CELA1: variants seen among roughly 807,000 people sequenced by gnomAD.
CELA1 encodes the protein chymotrypsin like elastase 1.
In CELA1, 28 loss-of-function variants were observed where a neutral mutation model predicts 34.8. The observed-to-expected ratio is 0.80, with a 90% CI of 0.60 to 1.10. The LOEUF (loss-of-function observed/expected upper bound fraction) is 1.10. Among genes scored for constraint, CELA1 ranks in the 50% least tolerant of loss-of-function variants. The pLI is 0.00. For missense variants in CELA1, 288 were observed against 327.5 expected (o/e 0.88, Z 0.93); for synonymous variants, 140 against 129.8 (o/e 1.08, Z -0.53).
At chr12:51,337,695 A>T (rs1211758911) in intron 6 of CELA1, among the ~76,000 whole-genome samples, 1 of 151,628 alleles carries the variant, frequency 6.6e-6, no homozygotes, top group Admixed American at 6.6e-5. Context: ...CCTTACCATT[A>T]ATAAATGTAA....
chr12:51,330,753 G>A (rs988803281), intron 6 of CELA1, among the ~76,000 whole-genome samples: 16 of 146,674 alleles, frequency 1.1e-4, no homozygotes, highest in South Asian at 2.2e-4. Context: ...GGCGGATCAC[G>A]AGGTCAGGAG....
At chr12:51,333,475 T>C (rs1227414107) in intron 6 of CELA1, among the ~76,000 whole-genome samples, 1 of 150,786 alleles carries the variant, frequency 6.6e-6, no homozygotes, top group East Asian at 1.9e-4. Flanking sequence ...CTCACCACAG[T>C]CCCAATCTCC....
At chr12:51,338,082 T>C (rs1389657839) in intron 6 of CELA1, among the ~76,000 whole-genome samples, 2 of 148,136 alleles carry the variant, frequency 1.4e-5, no homozygotes, top group African/African-American at 5.0e-5. Context: ...CTACTAAAAA[T>C]ACAAAAATTA....
chr12:51,339,751 A>C, intron 6 of CELA1, 109 bp downstream of exon 6: 1 of 1,030,472 alleles, frequency 9.7e-7, no homozygotes. Flanking sequence ...TAGAAAATTG[A>C]GTCTGTGTAG....
chr12:51,343,989 G>A lies in CELA1; in HGVS notation c.100-136C>T, dbSNP rs763217118. 137 of 630,224 alleles carry A rather than the reference G, an allele frequency of 2.2e-4. 1 individual carries two copies. The highest frequency in any genetic ancestry group is 8.4e-4 in the Middle Eastern group (2 of 2,370). The allele number at this position is 630,224 out of a possible 1,614,324, so 39.0% of individuals were successfully genotyped here. A position where few individuals can be genotyped will look rare whatever the true frequency, so the allele number is the denominator to read the frequency against. On this transcript the variant is annotated intron_variant, in intron 2 of 7. Coordinates refer to ENST00000293636, the MANE Select transcript of CELA1 (RefSeq NM_001971.6). Reference sequence around the variant, plus strand: ...GCAGGAGGATCAGTTGAGCCTAGGAGCTGGAGACCAGCCTGGGCAACATAG... The same window carrying A: ...GCAGGAGGATCAGTTGAGCCTAGGAACTGGAGACCAGCCTGGGCAACATAG...
intron 7 of CELA1, 114 bp from the exon 8 acceptor site, chr12:51,328,708 G>T: frequency 8.4e-7 from 1 of 1,187,446 alleles, no homozygotes; most frequent in South Asian, 1.2e-5. Context: ...GAAGTTGACA[G>T]GGTGTGGGGA....
intron 6 of CELA1, among the ~76,000 whole-genome samples, 162 bp downstream of exon 6, chr12:51,339,698 G>A (rs942034866): frequency 6.6e-6 from 1 of 152,214 alleles, no homozygotes; most frequent in Non-Finnish European, 1.5e-5. Context: ...TTCTGCATGT[G>A]TAGAATTACC....
In CELA1 at chr12:51,342,558, C is replaced by T; in HGVS notation, c.326+17G>A. 3.7e-6 allele frequency: 6 copies of T among 1,614,046 alleles called. No homozygotes were observed. Among genetic ancestry groups the T allele is most frequent in the South Asian group, 1.1e-5 (1 of 91,082 alleles). ...GCCTCACCGCCCAGCCCAGGGCCAGCTTGGACTTGCTCCTACCCGGCAGCC... is the reference window on the plus strand; with the variant it reads ...GCCTCACCGCCCAGCCCAGGGCCAGTTTGGACTTGCTCCTACCCGGCAGCC... On this transcript the variant is annotated intron_variant, in intron 4 of 7. Transcript: ENST00000293636.
At position 51,328,485 on chromosome 12, in the gene CELA1, T is replaced by C; in HGVS notation, c.*92A>G. 7.7e-7 allele frequency: 1 copy of C among 1,295,398 alleles called. No homozygotes were observed. Among genetic ancestry groups the C allele is most frequent in the Non-Finnish European group, 1.1e-6 (1 of 891,522 alleles). The allele number at this position is 1,295,398 out of a possible 1,614,324, so 80.2% of individuals were successfully genotyped here. A position where few individuals can be genotyped will look rare whatever the true frequency, so the allele number is the denominator to read the frequency against. ...ATTTGCTTTTCTATCAATGGCTCAA[T>C]AGTCTTTCAGAATGTGTTTTACTTT... On this transcript the variant is annotated 3_prime_UTR_variant, in exon 8 of 8. Coordinates refer to ENST00000293636, the MANE Select transcript of CELA1 (RefSeq NM_001971.6).
At chr12:51,340,438 G>A (rs1592298009) in intron 5 of CELA1, among the ~76,000 whole-genome samples, 1 of 142,686 alleles carries the variant, frequency 7.0e-6, no homozygotes, top group Non-Finnish European at 1.5e-5. Flanking sequence ...TGCCCAGGCT[G>A]GAGTGCAATG....
intron 7 of CELA1, among the ~76,000 whole-genome samples, chr12:51,328,900 A>G (rs1403704200): frequency 6.6e-6 from 1 of 152,200 alleles, no homozygotes; most frequent in East Asian, 1.9e-4. Context: ...CCTTTCCACC[A>G]GGTCAGTGTA....
At chr12:51,345,400 G>T (rs1437975069) in intron 2 of CELA1, among the ~76,000 whole-genome samples, 6 of 152,246 alleles carry the variant, frequency 3.9e-5, no homozygotes, top group Non-Finnish European at 8.8e-5. Flanking sequence ...GTACGTGTGT[G>T]TGTGTGTGTG....
At chr12:51,345,609 C>A (rs2137485323) in intron 2 of CELA1, among the ~76,000 whole-genome samples, 186 bp downstream of exon 2, 1 of 152,258 alleles carries the variant, frequency 6.6e-6, no homozygotes, top group Admixed American at 6.5e-5. Context: ...TGTATAAATC[C>A]CCTCCTCCAA....
chr12:51,342,676 A>G lies in CELA1; in HGVS notation c.225T>C (p.Ala75=), dbSNP rs1200664969. The G allele has an allele frequency of 1.2e-6, 2 of 1,614,226 alleles. No homozygotes were observed. Among genetic ancestry groups the G allele is most frequent in the Admixed American group, 1.7e-5 (1 of 60,032 alleles). Residue 75 remains alanine (A), a synonymous_variant, in exon 4 of 8, where the codon GCT becomes GCC. Coordinates refer to ENST00000293636, the MANE Select transcript of CELA1 (RefSeq NM_001971.6). The part of the protein sequence containing the change: ...VDYQKTFRVV[A]GDHNLSQNDG... ...CATTCTGGCTCAGGTTATGGTCTCC[A>G]GCCACCACGCGGAAAGTCTTCTGGC...
chr12:51,335,941 A>G (rs1028618013), intron 6 of CELA1, among the ~76,000 whole-genome samples: 3 of 151,996 alleles, frequency 2.0e-5, no homozygotes, highest in African/African-American at 7.3e-5. Context: ...CCGGCTGGTT[A>G]TATGTCTTAT....
Position 51,342,834 on chromosome 12 carries a change from G to A in CELA1, c.201-134C>T, listed in dbSNP as rs1048227215. ...GAAATTTTTTTTTTTTTTTAGAGAT[G>A]GGGTTTTGCTGTGTTGCCCAGGCTG... On this transcript the variant is annotated intron_variant, in intron 3 of 7. Coordinates refer to ENST00000293636, the MANE Select transcript of CELA1 (RefSeq NM_001971.6). 63 of 969,688 alleles carry A rather than the reference G, an allele frequency of 6.5e-5. No homozygotes were observed. The African/African-American group carries it at 9.8e-4, about 15-fold the overall frequency. 60.1% of individuals were successfully genotyped at this position (969,688 alleles called of 1,614,324 possible).
chr12:51,338,008 G>A (rs937406430), intron 6 of CELA1, among the ~76,000 whole-genome samples: 3 of 151,264 alleles, frequency 2.0e-5, no homozygotes, highest in Non-Finnish European at 4.4e-5. Flanking sequence ...GGTGGATCAC[G>A]AGGTCAGGAG....
intron 7 of CELA1, 49 bp downstream of exon 7, chr12:51,329,635 G>GT (rs1565698940): frequency 1.3e-6 from 2 of 1,535,386 alleles, no homozygotes; most frequent in Admixed American, 4.1e-5. Context: ...CAGCCAGTGC[G>GT]TAGGTCTCCA....
Position 51,346,601 on chromosome 12 carries a change from CGACTGGACCA to C in CELA1, c.16+12_16+21del. 2 of 1,096,036 alleles carry C rather than the reference CGACTGGACCA, an allele frequency of 1.8e-6. No homozygotes were observed. The highest frequency in any genetic ancestry group is 2.5e-6 in the Non-Finnish European group (2 of 785,250). The allele number at this position is 1,096,036 out of a possible 1,614,324, so 67.9% of individuals were successfully genotyped here. The stretch of plus-strand genomic sequence containing the variant: ...CACTTACCATAAAGGACCAGGGTTG[CGACTGGACCA>C]TATCCACTTACCATAAAGGACCAGC... On this transcript the variant is annotated intron_variant, in intron 1 of 7. Coordinates refer to ENST00000293636, the MANE Select transcript of CELA1 (RefSeq NM_001971.6).
Sources: allele counts gnomAD v4.1 joint callset (sites outside exome capture counted in the v4.1 genomes callset), GRCh38; gene constraint gnomAD v4.1.1; transcripts MANE v1.5; gene names NCBI Gene and HGNC (gene_info 2026-07-23, HGNC 2026-07-21).